TMEM200A: variants seen among roughly 807,000 people sequenced by gnomAD.
TMEM200A encodes transmembrane protein 200A.
In TMEM200A, 12 loss-of-function variants were observed where a neutral mutation model predicts 24.3. The observed-to-expected ratio is 0.49, with a 90% CI of 0.32 to 0.80. The LOEUF is 0.80. TMEM200A is among the 30% of genes least tolerant of loss of function. The probability of loss-of-function intolerance (pLI) is 0.04; values close to 1 mark genes in which losing one functional copy is unlikely to be tolerated. For synonymous variants in TMEM200A, 224 were observed against 224.4 expected (o/e 1.00, Z 0.02); for missense variants, 545 against 614.4 (o/e 0.89, Z 1.19).
At chr6:130,382,115 G>A (rs1778612684) in intron 1 of TMEM200A, 5 of 287,998 alleles carry the variant, frequency 1.7e-5, no homozygotes, top group African/African-American at 2.3e-5. Flanking sequence ...GAGGATTAGA[G>A]CATTACTACC....
intron 2 of TMEM200A, among the ~76,000 whole-genome samples, chr6:130,434,856 G>A (rs1779963602): frequency 6.6e-6 from 1 of 151,970 alleles, no homozygotes; most frequent in Non-Finnish European, 1.5e-5. Flanking sequence ...TGAGAAAGGT[G>A]GAAAATAAGA....
At chr6:130,421,349 T>G (rs1363520433) in intron 2 of TMEM200A, 2 of 152,186 alleles carry the variant, frequency 1.3e-5, no homozygotes, top group Non-Finnish European at 2.9e-5. Context: ...GGATGTTAGT[T>G]TATTCTCAGG....
intron 1 of TMEM200A, among the ~76,000 whole-genome samples, chr6:130,379,956 C>T (rs1373074146): frequency 6.6e-6 from 1 of 152,018 alleles, no homozygotes; most frequent in African/African-American, 2.4e-5. Context: ...AGGAGAAAAG[C>T]TGGGGTGTGC....
intron 1 of TMEM200A, among the ~76,000 whole-genome samples, chr6:130,377,564 T>C (rs774973946): frequency 6.6e-6 from 1 of 152,188 alleles, no homozygotes; most frequent in Non-Finnish European, 1.5e-5. Flanking sequence ...TATTGACTCA[T>C]TGACTTCAGA....
rs146236070 is a variant in TMEM200A, at chr6:130,429,331, G to A, written c.-16-11076G>A. ...GAGGTCAGGAGTTCGAGATCAGCCT[G>A]GCCAACATGGTGAAACCCCATCTCT... On this transcript the variant is annotated intron_variant, in intron 2 of 2. Transcript: ENST00000296978. Among the ~76,000 whole-genome samples, 44 of 152,184 alleles carry A rather than the reference G, an allele frequency of 2.9e-4. 1 individual carries two copies. The highest frequency in any genetic ancestry group is 1.0e-3 in the African/African-American group (43 of 41,536).
intron 2 of TMEM200A, among the ~76,000 whole-genome samples, chr6:130,391,040 G>A (rs1293844453): frequency 6.6e-6 from 1 of 152,142 alleles, no homozygotes; most frequent in Admixed American, 6.5e-5. Flanking sequence ...GGACAAAAAT[G>A]CCTCGGAATG....
intron 1 of TMEM200A, among the ~76,000 whole-genome samples, chr6:130,378,268 G>A (rs1174264575): frequency 6.6e-6 from 1 of 151,676 alleles, no homozygotes; most frequent in East Asian, 1.9e-4. Context: ...CACATAAGTG[G>A]GGGTTTTATT....
rs1780164892 is a variant in TMEM200A at position 130,441,266 on chromosome 6, T to C, written c.844T>C (p.Ser282Pro). The C allele has an allele frequency of 3.1e-6, 5 of 1,614,130 alleles. No individual in the cohort carries two copies. The highest frequency in any genetic ancestry group is 4.2e-6 in the Non-Finnish European group (5 of 1,179,992). ...SKKCETKSIV[S>P]SSISAFTLPV... ...GAAATGTGAAACCAAGTCAATTGTG[T>C]CATCGTCCATCAGTGCTTTTACATT... Residue 282 changes from serine to proline, a missense_variant, in exon 3 of 3, where the codon TCA becomes CCA. By Grantham distance (74) the Ser-to-Pro change is moderately conservative. Transcript: ENST00000296978.
rs200631044 is a variant in TMEM200A at position 130,441,770 on chromosome 6, A to T, written c.1348A>T (p.Ile450Phe). 8.2e-5 allele frequency: 132 copies of T among 1,614,132 alleles called. 1 individual carries two copies. The East Asian group carries it at 2.2e-3, about 27-fold the overall frequency. ...TAGGTTGCTTGTGCCCCAAGTTGCC[A>T]TCAAAAAGGACTTTACCAATAAGGA... ...MDRLLVPQVA[I>F]KKDFTNKEKL... Residue 450 changes from isoleucine (I) to phenylalanine (F), a missense_variant, in exon 3 of 3, where the codon ATC becomes TTC. Coordinates refer to ENST00000296978, the MANE Select transcript of TMEM200A (RefSeq NM_001258277.2).
In TMEM200A at chr6:130,366,659, C is replaced by G; in HGVS notation, c.-81+135C>G. On this transcript the variant is annotated intron_variant, in intron 1 of 2. Transcript: ENST00000296978. The surrounding 1 kb of genome is among the most constrained non-coding windows in gnomAD (Gnocchi z 4.4). ...GCCTCCAGAGTTAGGTAAACGCTGT[C>G]TCTCCTAAAGTTTGGGAAATAAACC... The G allele has an allele frequency of 1.3e-6, 1 of 798,128 alleles. No individual in the cohort carries two copies. The highest frequency in any genetic ancestry group is 6.3e-4 in the Middle Eastern group (1 of 1,576). The allele number at this position is 798,128 out of a possible 1,614,324, so 49.4% of individuals were successfully genotyped here.
At chr6:130,410,738 G>A (rs1416568794) in intron 2 of TMEM200A, among the ~76,000 whole-genome samples, 1 of 152,176 alleles carries the variant, frequency 6.6e-6, no homozygotes, top group Non-Finnish European at 1.5e-5. Context: ...TTTTAATTCT[G>A]ATAAGATTGG....
Position 130,440,979 on chromosome 6 carries a change from C to T in TMEM200A, c.557C>T (p.Thr186Ile). The change falls in exon 3 of 3, where the codon ACT becomes ATT. Residue 186 changes from threonine (T) to isoleucine (I), a missense_variant. Coordinates refer to ENST00000296978, the MANE Select transcript of TMEM200A (RefSeq NM_001258277.2). ...KEQRQMNGMY[T>I]GLMGETEVKQ... Reference sequence around the variant, plus strand: ...CAAAGGCAAATGAACGGCATGTACACTGGTTTGATGGGAGAAACAGAAGTA... The same window carrying T: ...CAAAGGCAAATGAACGGCATGTACATTGGTTTGATGGGAGAAACAGAAGTA... The T allele has an allele frequency of 6.2e-7, 1 of 1,614,060 alleles. No individual in the cohort carries two copies. The highest frequency in any genetic ancestry group is 8.5e-7 in the Non-Finnish European group (1 of 1,180,004).
At chr6:130,418,258 G>A (rs1473089892) in intron 2 of TMEM200A, among the ~76,000 whole-genome samples, 2 of 152,174 alleles carry the variant, frequency 1.3e-5, no homozygotes, top group African/African-American at 4.8e-5. Flanking sequence ...ACAACTCTGA[G>A]TCATCAAAAG....
chr6:130,438,309 A>C (rs1780068192), intron 2 of TMEM200A: 3 of 152,214 alleles, frequency 2.0e-5, no homozygotes, highest in Admixed American at 1.3e-4. Flanking sequence ...TGGCTTGTTA[A>C]AACTGTAGAT....
In TMEM200A at chr6:130,411,745, C is replaced by T. The variant is rs188970854; in HGVS notation, c.-17+26509C>T. Among the ~76,000 whole-genome samples the T allele has an allele frequency of 5.0e-4, 76 of 152,298 alleles. 1 individual carries two copies. The highest frequency in any genetic ancestry group is 1.5e-4 in the Non-Finnish European group (10 of 68,018). ...GGTTTGGCAGGATTATCACAGAAGT[C>T]GTGCTGTCTTCTCATTGTGTTGGTT... On this transcript the variant is annotated intron_variant, in intron 2 of 2. Transcript: ENST00000296978.
chr6:130,419,183 TGC>T (rs1350576083), intron 2 of TMEM200A, among the ~76,000 whole-genome samples: 1 of 152,186 alleles, frequency 6.6e-6, no homozygotes, highest in Non-Finnish European at 1.5e-5. Flanking sequence ...TGTCTTTCTG[TGC>T]CAGACTTATT....
chr6:130,366,546 TG>T lies in TMEM200A; in HGVS notation c.-81+23del, dbSNP rs957575207. ...ACAGGTGAGGGGAAGGAAAGGGTGC[TG>T]ACGGGAGTGGGGAGGTGGGTGGGCG... On this transcript the variant is annotated intron_variant, in intron 1 of 2. Coordinates refer to ENST00000296978, the MANE Select transcript of TMEM200A (RefSeq NM_001258277.2). The surrounding 1 kb of genome is among the most constrained non-coding windows in gnomAD (Gnocchi z 4.4). 7 of 985,018 alleles carry T rather than the reference TG, an allele frequency of 7.1e-6. No homozygotes were observed. The African/African-American group carries it at 1.2e-4, about 17-fold the overall frequency. The allele number at this position is 985,018 out of a possible 1,614,324, so 61.0% of individuals were successfully genotyped here.
At position 130,441,332 on chromosome 6, in the gene TMEM200A, A is replaced by T; in HGVS notation, c.910A>T (p.Ser304Cys). 6.2e-7 allele frequency: 1 copy of T among 1,614,160 alleles called. No homozygotes were observed. Among genetic ancestry groups the T allele is most frequent in the Non-Finnish European group, 8.5e-7 (1 of 1,180,014 alleles). Residue 304 changes from serine to cysteine, a missense_variant, in exon 3 of 3, where the codon AGT becomes TGT. Ser to Cys is a moderately radical substitution (Grantham distance 112). Coordinates refer to ENST00000296978, the MANE Select transcript of TMEM200A (RefSeq NM_001258277.2). ...TAATAACTGTGTTATTGATGAGCCC[A>T]GTATAGATAACATCACTGAAGATGC... ...KLNNCVIDEP[S>C]IDNITEDADN...
At chr6:130,374,090 T>G (rs531213609) in intron 1 of TMEM200A, among the ~76,000 whole-genome samples, 1 of 152,290 alleles carries the variant, frequency 6.6e-6, no homozygotes, top group Admixed American at 6.5e-5. Context: ...TGAATGATTT[T>G]TTGAAAGCCA....
Sources: gnomAD v4.1 joint callset for allele counts (sites outside exome capture counted in the v4.1 genomes callset) on GRCh38, gnomAD v4.1.1 for gene constraint, Gnocchi (gnomAD v3.1) non-coding constraint, MANE v1.5 for transcripts, NCBI Gene and HGNC (gene_info 2026-07-23, HGNC 2026-07-21) for gene names.